Variants in CNOT4 observed in about 807,000 individuals in gnomAD.
The protein encoded by CNOT4 is CCR4-NOT transcription complex subunit 4.
In CNOT4, 8 loss-of-function variants were observed where a neutral mutation model predicts 73.8. The ratio of observed to expected loss-of-function variants is 0.11; its 90% CI spans 0.06 to 0.20. The LOEUF (loss-of-function observed/expected upper bound fraction) is 0.20, where lower values mean the gene tolerates loss of function less well. CNOT4 is among the 10% of genes least tolerant of loss of function. CNOT4 has a pLI of 1.00. For missense variants in CNOT4, 564 were observed against 883.4 expected (o/e 0.64, Z 4.58); for synonymous variants, 293 against 321.1 (o/e 0.91, Z 0.94).
At chr7:135,483,553 G>A (rs533923651) in intron 1 of CNOT4, among the ~76,000 whole-genome samples, 3 of 151,842 alleles carry the variant, frequency 2.0e-5, no homozygotes, top group East Asian at 1.9e-4. Context: ...GGCCAGGTGC[G>A]GTGGTTCATG....
chr7:135,423,720 G>A (rs1290451051), intron 2 of CNOT4, among the ~76,000 whole-genome samples: 3 of 152,050 alleles, frequency 2.0e-5, no homozygotes, highest in African/African-American at 7.2e-5. Flanking sequence ...AAAAGATTCA[G>A]GCTTAATCCT....
chr7:135,389,763 T>A (rs570909953), intron 10 of CNOT4, among the ~76,000 whole-genome samples: 2 of 152,332 alleles, frequency 1.3e-5, no homozygotes, highest in Admixed American at 6.5e-5. Context: ...TACTGACTTA[T>A]GTTTTCCAAA....
chr7:135,437,699 G>A lies in CNOT4; in HGVS notation c.174+459C>T, dbSNP rs566818127. Among the ~76,000 whole-genome samples, 52 of 152,250 alleles carry A rather than the reference G, an allele frequency of 3.4e-4. 1 individual carries two copies. Among genetic ancestry groups the A allele is most frequent in the African/African-American group, 1.2e-3 (50 of 41,556 alleles). On this transcript the variant is annotated intron_variant, in intron 2 of 11. Coordinates refer to ENST00000541284, the MANE Select transcript of CNOT4 (RefSeq NM_001190850.2). ...AATGAGCATTTATTATCTTCTGAACGAGGATTTCTCTGTCATTTTAACTCT... is the reference window on the plus strand; with the variant it reads ...AATGAGCATTTATTATCTTCTGAACAAGGATTTCTCTGTCATTTTAACTCT...
At chr7:135,433,779 C>T (rs1798994710) in intron 2 of CNOT4, among the ~76,000 whole-genome samples, 1 of 152,172 alleles carries the variant, frequency 6.6e-6, no homozygotes, top group African/African-American at 2.4e-5. Context: ...GGAATCAATA[C>T]AGAATGCCAC....
At position 135,415,200 on chromosome 7, in the gene CNOT4, A is replaced by G; in HGVS notation, c.435T>C (p.Asn145=). The change falls in exon 4 of 12, where the codon AAT becomes AAC. Residue 145 remains asparagine (N), a synonymous_variant. Coordinates refer to ENST00000541284, the MANE Select transcript of CNOT4 (RefSeq NM_001190850.2). ...CCTGTGAGCCTGCATATGATGTGCT[A>G]TTATTGATGACAACTTTATGTATTT... is the stretch of plus-strand genomic sequence containing the variant. ...FGKIHKVVIN[N]STSYAGSQGP... is the part of the protein sequence containing the mutation. The G allele has an allele frequency of 6.2e-7, 1 of 1,603,868 alleles. No individual in the cohort carries two copies. Among genetic ancestry groups the G allele is most frequent in the Non-Finnish European group, 8.5e-7 (1 of 1,171,020 alleles).
At chr7:135,500,982 C>T (rs1321750658) in intron 1 of CNOT4, among the ~76,000 whole-genome samples, 3 of 139,792 alleles carry the variant, frequency 2.1e-5, no homozygotes, top group African/African-American at 5.5e-5. Flanking sequence ...TTCTACTAAA[C>T]CTTTTTTTTT....
intron 1 of CNOT4, among the ~76,000 whole-genome samples, chr7:135,494,295 C>A (rs933021141): frequency 3.3e-5 from 5 of 151,706 alleles, no homozygotes; most frequent in Non-Finnish European, 5.9e-5. Flanking sequence ...CATGGTGAAA[C>A]CCCGTCTCTA....
intron 1 of CNOT4, among the ~76,000 whole-genome samples, chr7:135,438,936 C>T (rs1449892638): frequency 1.3e-5 from 2 of 151,968 alleles, no homozygotes; most frequent in Non-Finnish European, 2.9e-5. Flanking sequence ...GCCATAGAAC[C>T]ATAGACCTTA....
chr7:135,416,931 A>T (rs1275161294), intron 3 of CNOT4, among the ~76,000 whole-genome samples: 4 of 152,188 alleles, frequency 2.6e-5, no homozygotes, highest in African/African-American at 9.7e-5. Flanking sequence ...GACATGCCTG[A>T]AGCTGTTTAT....
intron 3 of CNOT4, among the ~76,000 whole-genome samples, chr7:135,421,595 C>A (rs1386089219): frequency 6.6e-6 from 1 of 152,170 alleles, no homozygotes; most frequent in East Asian, 1.9e-4. Context: ...CTCTCCTCCC[C>A]CGAATGAATG....
intron 10 of CNOT4, among the ~76,000 whole-genome samples, chr7:135,380,008 T>C (rs890189768): frequency 6.6e-6 from 1 of 152,188 alleles, no homozygotes; most frequent in African/African-American, 2.4e-5. Flanking sequence ...GCTACAAAAG[T>C]TGATTGCAGA....
chr7:135,435,935 G>A (rs1182763181), intron 2 of CNOT4, among the ~76,000 whole-genome samples: 1 of 147,480 alleles, frequency 6.8e-6, no homozygotes, highest in East Asian at 2.0e-4. Flanking sequence ...AAAAAAGGGG[G>A]TAGGCCTATA....
In CNOT4 at chr7:135,453,842, ATATATT is replaced by A. The variant is rs1038928753; in HGVS notation, c.-92-15425_-92-15420del. Among the ~76,000 whole-genome samples, 19 of 138,562 alleles carry A rather than the reference ATATATT, an allele frequency of 1.4e-4. 1 individual carries two copies. The East Asian group carries it at 2.8e-3, about 20-fold the overall frequency. 90.9% of individuals were successfully genotyped at this position (138,562 alleles called of 152,430 possible). On this transcript the variant is annotated intron_variant, in intron 1 of 11. Coordinates refer to ENST00000541284, the MANE Select transcript of CNOT4 (RefSeq NM_001190850.2). ...ATATATATTTTATATATATATATAT[ATATATT>A]ATATATATAGCTGGTACAGCAGCTC...
chr7:135,470,521 G>A (rs2129486690), intron 1 of CNOT4, among the ~76,000 whole-genome samples: 1 of 151,606 alleles, frequency 6.6e-6, no homozygotes, highest in South Asian at 2.1e-4. Flanking sequence ...GCAGTGAGCT[G>A]AGATTGTGCC....
In CNOT4 at chr7:135,388,753, C is replaced by A. The variant is rs755076740; in HGVS notation, c.1627+5165G>T. The A allele has an allele frequency of 4.4e-6, 7 of 1,582,466 alleles. No homozygotes were observed. In the South Asian group the frequency reaches 8.1e-5, roughly 18 times the overall value. On this transcript the variant is annotated intron_variant, in intron 10 of 11. Coordinates refer to ENST00000541284, the MANE Select transcript of CNOT4 (RefSeq NM_001190850.2). The stretch of plus-strand genomic sequence containing the variant: ...TCATGCAAAAATCCAGTTGCCCATG[C>A]AAGCACCCCAGAGTCTAATCCTCTC...
Position 135,395,721 on chromosome 7 carries a change from G to A in CNOT4, c.1042C>T (p.Pro348Ser). ...SDNFRHPNPI[P>S]SGLPPFPSSP... ...CTGGGGAAAGGAGGAAGCCCACTTG[G>A]GATAGGGTTGGGATGGCGAAAATTG... is the stretch of plus-strand genomic sequence containing the variant. Residue 348 changes from proline to serine, a missense_variant, in exon 9 of 12, where the codon CCA becomes TCA. Physicochemically the swap from Pro to Ser is moderately conservative, Grantham distance 74. This residue lies in a region of CNOT4 where 135 missense variants were observed against 154.0 expected (regional missense o/e 0.88). Coordinates refer to ENST00000541284, the MANE Select transcript of CNOT4 (RefSeq NM_001190850.2). The A allele has an allele frequency of 6.2e-7, 1 of 1,614,052 alleles. No individual in the cohort carries two copies. The highest frequency in any genetic ancestry group is 1.6e-4 in the Middle Eastern group (1 of 6,062).
chr7:135,432,825 T>C (rs1297041302), intron 2 of CNOT4, among the ~76,000 whole-genome samples: 1 of 152,246 alleles, frequency 6.6e-6, no homozygotes, highest in Non-Finnish European at 1.5e-5. Flanking sequence ...AATCCGAAGA[T>C]GAAAATTAAT....
At chr7:135,451,778 T>A (rs1800183055) in intron 1 of CNOT4, among the ~76,000 whole-genome samples, 1 of 152,258 alleles carries the variant, frequency 6.6e-6, no homozygotes, top group Non-Finnish European at 1.5e-5. Context: ...AGACTATTTA[T>A]GTATTTCTTC....
intron 1 of CNOT4, among the ~76,000 whole-genome samples, chr7:135,487,007 A>G (rs1396304490): frequency 6.6e-6 from 1 of 152,154 alleles, no homozygotes; most frequent in Non-Finnish European, 1.5e-5. Flanking sequence ...CCTTCCATTA[A>G]GCATCCAAAA....
Sources: gnomAD v4.1 joint callset for allele counts (sites outside exome capture counted in the v4.1 genomes callset) on GRCh38, gnomAD v4.1.1 for gene constraint, gnomAD v4.1.1 regional missense constraint, MANE v1.5 for transcripts, NCBI Gene and HGNC (gene_info 2026-07-23, HGNC 2026-07-21) for gene names.